The following STK3 variants were observed in gnomAD, a reference collection of about 807,000 sequenced individuals.
STK3 encodes serine/threonine kinase 3.
A neutral mutation model predicts 58.0 loss-of-function variants in STK3; 41 were observed. The observed-to-expected ratio is 0.71, with a 90% CI of 0.55 to 0.92. The LOEUF is 0.92. Among genes scored for constraint, STK3 ranks in the 40% least tolerant of loss-of-function variants. The pLI is 0.00. For missense variants in STK3, 479 were observed against 602.7 expected, an observed-to-expected ratio of 0.79 and a Z score of 2.15; for synonymous variants, 170 against 191.0, an observed-to-expected ratio of 0.89 and a Z score of 0.91.
intron 7 of STK3, among the ~76,000 whole-genome samples, chr8:98,588,273 A>G (rs1457491546): frequency 6.8e-6 from 1 of 147,884 alleles, no homozygotes; most frequent in African/African-American, 2.5e-5. Flanking sequence ...TTCCTTCAGG[A>G]GCTCTTTTAG....
At chr8:98,451,847 T>C (rs1263792644), downstream of STK3, among the ~76,000 whole-genome samples, 1 of 141,814 alleles carries the variant, frequency 7.1e-6, no homozygotes, top group Non-Finnish European at 1.5e-5. Flanking sequence ...CAAAGAAAAA[T>C]AGTTCTCATT....
intron 10 of STK3, among the ~76,000 whole-genome samples, chr8:98,492,866 AG>A (rs1822809546): frequency 6.6e-6 from 1 of 151,910 alleles, no homozygotes; most frequent in Non-Finnish European, 1.5e-5. Flanking sequence ...CTCTTTCCTT[AG>A]GAACTTCATT....
At chr8:98,628,819 CAAAAAA>C (rs10571679) in intron 6 of STK3, among the ~76,000 whole-genome samples, 1 of 64,156 alleles carries the variant, frequency 1.6e-5, no homozygotes, top group Non-Finnish European at 2.8e-5. Context: ...CTCCACACTC[CAAAAAA>C]AAAAAAAAAA....
intron 6 of STK3, chr8:98,606,197 G>C (rs939105372): frequency 6.6e-6 from 1 of 152,144 alleles, no homozygotes; most frequent in African/African-American, 2.4e-5. Flanking sequence ...GTATGATACT[G>C]CTGTAGTGCC....
intron 1 of STK3, among the ~76,000 whole-genome samples, chr8:98,916,967 G>A (rs1839368265): frequency 6.6e-6 from 1 of 152,208 alleles, no homozygotes; most frequent in African/African-American, 2.4e-5. Context: ...ATGAACAGAT[G>A]TGGAGGAGGA....
In STK3 at chr8:98,428,866, T is replaced by C; in HGVS notation, n.483+5261A>G. ...GCCAACTTGGGCAGGGTGGCCCAGG[T>C]CCTGAGGCTGATGCGGATCTTCCGC... On this transcript the variant is annotated intron_variant and non_coding_transcript_variant, in intron 3 of 3. Coordinates refer to the STK3 transcript ENST00000517832. The surrounding 1 kb of genome is among the most constrained non-coding windows in gnomAD (Gnocchi z 6.7). The C allele has an allele frequency of 6.2e-7, 1 of 1,614,178 alleles. No homozygotes were observed. Among genetic ancestry groups the C allele is most frequent in the Non-Finnish European group, 8.5e-7 (1 of 1,180,036 alleles).
At chr8:98,936,699 G>A (rs370241578) in intron 1 of STK3, among the ~76,000 whole-genome samples, 27 of 152,312 alleles carry the variant, frequency 1.8e-4, no homozygotes, top group East Asian at 3.9e-4. Context: ...GGCCCACCAC[G>A]TAGGGCATTT....
At chr8:98,866,160 C>T (rs1192909680) in intron 3 of STK3, among the ~76,000 whole-genome samples, 2 of 152,260 alleles carry the variant, frequency 1.3e-5, no homozygotes, top group African/African-American at 4.8e-5. Context: ...CAAAGCACCT[C>T]CTGTTGAGAG....
In STK3 at chr8:98,596,060, T is replaced by C; in HGVS notation, c.794A>G (p.Gln265Arg). The change falls in exon 7 of 11, where the codon CAG becomes CGG. Residue 265 changes from glutamine (Q) to arginine (R), a missense_variant. By Grantham distance (43) the Gln-to-Arg change is conservative. This residue lies in a region of STK3 where 309 missense variants were observed against 355.7 expected (regional missense o/e 0.87). Coordinates refer to ENST00000419617, the MANE Select transcript of STK3 (RefSeq NM_006281.4). ...TAAAAGTTGTGTTGCAGTAGCTCTC[T>C]GCTCAGGATTCTTCACCAAACACTT... The part of the protein sequence containing the change: ...VKKCLVKNPE[Q>R]RATATQLLQH... The C allele has an allele frequency of 3.1e-6, 5 of 1,613,410 alleles. No homozygotes were observed. Among genetic ancestry groups the C allele is most frequent in the Non-Finnish European group, 4.2e-6 (5 of 1,179,632 alleles).
chr8:98,398,067 G>A (rs1016553418), downstream of STK3, among the ~76,000 whole-genome samples: 6 of 152,170 alleles, frequency 3.9e-5, no homozygotes, highest in African/African-American at 1.4e-4. Context: ...CTATCTCTTA[G>A]TGTGGGCTAA....
intron 1 of STK3, among the ~76,000 whole-genome samples, chr8:98,925,600 C>T (rs572583458): frequency 3.9e-5 from 6 of 152,292 alleles, no homozygotes; most frequent in African/African-American, 1.4e-4. Context: ...TCATTCAAAC[C>T]CCTCTAATTT....
intron 1 of STK3, among the ~76,000 whole-genome samples, chr8:98,805,252 G>A (rs1264261285): frequency 6.6e-6 from 1 of 152,140 alleles, no homozygotes; most frequent in Non-Finnish European, 1.5e-5. Context: ...TAAAGGTCCT[G>A]AATTCTCACA....
chr8:98,499,265 G>A (rs776779330), intron 10 of STK3, among the ~76,000 whole-genome samples: 10 of 152,098 alleles, frequency 6.6e-5, no homozygotes, highest in Non-Finnish European at 1.0e-4. Context: ...CCCTGATTTA[G>A]CCCCATAAGA....
intron 6 of STK3, among the ~76,000 whole-genome samples, chr8:98,616,840 T>TA (rs1184034516): frequency 1.3e-5 from 2 of 149,456 alleles, no homozygotes; most frequent in Non-Finnish European, 3.0e-5. Flanking sequence ...CAAAGAGACT[T>TA]AGACTCCCAC....
intron 10 of STK3, among the ~76,000 whole-genome samples, chr8:98,458,615 C>T (rs543356252): frequency 6.6e-6 from 1 of 152,166 alleles, no homozygotes; most frequent in South Asian, 2.1e-4. Flanking sequence ...AATTGTAATC[C>T]TCATAATCCC....
intron 6 of STK3, among the ~76,000 whole-genome samples, chr8:98,668,806 AGT>A (rs1822557974): frequency 6.6e-6 from 1 of 152,124 alleles, no homozygotes; most frequent in Non-Finnish European, 1.5e-5. Flanking sequence ...CATCAACTGA[AGT>A]GTGTTACAAA....
intron 4 of STK3, among the ~76,000 whole-genome samples, chr8:98,747,296 C>T (rs1829707096): frequency 6.6e-6 from 1 of 151,824 alleles, no homozygotes; most frequent in African/African-American, 2.4e-5. Flanking sequence ...AAAATGTATA[C>T]AGAATTTAAA....
intron 1 of STK3, among the ~76,000 whole-genome samples, chr8:98,385,537 T>G (rs1379246191): frequency 6.6e-6 from 1 of 152,058 alleles, no homozygotes; most frequent in East Asian, 1.9e-4. Context: ...CCTCCTTGCC[T>G]CAATGACTGA....
At chr8:98,711,929 T>G (rs922944280) in intron 4 of STK3, among the ~76,000 whole-genome samples, 1 of 152,194 alleles carries the variant, frequency 6.6e-6, no homozygotes, top group Non-Finnish European at 1.5e-5. Flanking sequence ...GACTGACAGC[T>G]GATCTCTCGG....
Sources: allele counts gnomAD v4.1 joint callset (sites outside exome capture counted in the v4.1 genomes callset), GRCh38; gene constraint gnomAD v4.1.1; regional missense constraint gnomAD v4.1.1; non-coding constraint Gnocchi (gnomAD v3.1); transcripts MANE v1.5; gene names NCBI Gene and HGNC (gene_info 2026-07-23, HGNC 2026-07-21).